The following HPCAL1 variants were observed in gnomAD, a reference collection of about 807,000 sequenced individuals.
The protein encoded by HPCAL1 is hippocalcin-like protein 1.
Under a neutral mutation model 17.1 loss-of-function variants are expected in HPCAL1, and 8 were observed. The ratio of observed to expected loss-of-function variants is 0.47; its 90% CI spans 0.27 to 0.84. The LOEUF (loss-of-function observed/expected upper bound fraction) is 0.84. HPCAL1 is among the 40% of genes least tolerant of loss of function. The probability of loss-of-function intolerance (pLI) is 0.13; values close to 1 mark genes in which losing one functional copy is unlikely to be tolerated. For synonymous variants in HPCAL1, 112 were observed against 111.4 expected, an observed-to-expected ratio of 1.01 and a Z score of -0.03; for missense variants, 165 against 271.1, an observed-to-expected ratio of 0.61 and a Z score of 2.75.
intron 1 of HPCAL1, among the ~76,000 whole-genome samples, chr2:10,322,951 C>G (rs1048658034): frequency 6.6e-6 from 1 of 152,204 alleles, no homozygotes; most frequent in East Asian, 1.9e-4. Flanking sequence ...AGATAGATCC[C>G]TGGGGGCTCT....
At chr2:10,314,022 T>G (rs568394952) in intron 1 of HPCAL1, among the ~76,000 whole-genome samples, 1 of 151,350 alleles carries the variant, frequency 6.6e-6, no homozygotes, top group African/African-American at 2.4e-5. Context: ...TCCCAGCTAC[T>G]CGGGAGGCTG....
intron 2 of HPCAL1, among the ~76,000 whole-genome samples, chr2:10,407,909 G>A (rs1670073541): frequency 6.6e-6 from 1 of 152,244 alleles, no homozygotes; most frequent in Admixed American, 6.5e-5. Context: ...GAAAAACGCT[G>A]TTAGAATTCA....
intron 1 of HPCAL1, among the ~76,000 whole-genome samples, chr2:10,317,555 G>A (rs1663397473): frequency 6.6e-6 from 1 of 151,880 alleles, no homozygotes; most frequent in Admixed American, 6.6e-5. Flanking sequence ...GTATCTGGGA[G>A]TACCGGGATG....
chr2:10,329,391 C>G (rs1234817117), intron 1 of HPCAL1, among the ~76,000 whole-genome samples: 1 of 152,324 alleles, frequency 6.6e-6, no homozygotes, highest in East Asian at 1.9e-4. Context: ...AAGTAAGGAA[C>G]CTGTCCCAGC....
intron 1 of HPCAL1, among the ~76,000 whole-genome samples, chr2:10,312,758 GTCA>G (rs925770402): frequency 2.0e-5 from 3 of 150,506 alleles, no homozygotes; most frequent in Non-Finnish European, 3.0e-5. Context: ...CACCATCACT[GTCA>G]TCATCACCAT....
At chr2:10,400,046 C>T (rs1022999937) in intron 2 of HPCAL1, among the ~76,000 whole-genome samples, 9 of 152,158 alleles carry the variant, frequency 5.9e-5, no homozygotes, top group South Asian at 2.1e-4. Flanking sequence ...GAATGAGTGT[C>T]GGTTTTGGAT....
At chr2:10,325,752 T>C (rs777561692) in intron 1 of HPCAL1, among the ~76,000 whole-genome samples, 6 of 152,218 alleles carry the variant, frequency 3.9e-5, no homozygotes, top group Non-Finnish European at 8.8e-5. Flanking sequence ...AACATCTGCC[T>C]TCCTGGCTGG....
chr2:10,399,560 C>G (rs1183995051), intron 2 of HPCAL1, among the ~76,000 whole-genome samples: 1 of 42,136 alleles, frequency 2.4e-5, no homozygotes, highest in African/African-American at 9.7e-5. Context: ...CCACCACTAC[C>G]GCCACCGCCA....
At chr2:10,360,655 C>T (rs1013372609) in intron 1 of HPCAL1, among the ~76,000 whole-genome samples, 5 of 152,274 alleles carry the variant, frequency 3.3e-5, no homozygotes, top group South Asian at 2.1e-4. Flanking sequence ...TCGGGTGATC[C>T]GCCCACCTGG....
intron 1 of HPCAL1, among the ~76,000 whole-genome samples, chr2:10,388,371 G>A (rs1182567566): frequency 6.6e-6 from 1 of 152,252 alleles, no homozygotes; most frequent in Non-Finnish European, 1.5e-5. Flanking sequence ...GAGGGTGGCA[G>A]TGACTGGGCT....
In HPCAL1 at chr2:10,419,832, C is replaced by T. The variant is rs1572865722; in HGVS notation, c.75C>T (p.His25=). The stretch of plus-strand genomic sequence containing the variant: ...GGGAGAACACGGAGTTCACCGACCA[C>T]GAGCTGCAGGAGTGGTACAAGGGCT... ...DLRENTEFTD[H]ELQEWYKGFL... The change falls in exon 3 of 5, where the codon CAC becomes CAT. Residue 25 remains histidine (H), a synonymous_variant. Transcript: ENST00000307845. This position sits in a 1 kb window ranked among gnomAD's most constrained non-coding sequence, Gnocchi z 5.0. 1.2e-6 allele frequency: 2 copies of T among 1,613,604 alleles called. No homozygotes were observed. The highest frequency in any genetic ancestry group is 1.1e-5 in the South Asian group (1 of 91,088).
chr2:10,396,243 G>A (rs185204915), intron 1 of HPCAL1, among the ~76,000 whole-genome samples: 2 of 152,360 alleles, frequency 1.3e-5, no homozygotes, highest in African/African-American at 4.8e-5. Flanking sequence ...GGCCCAGGAG[G>A]CATGCTGGGG....
chr2:10,384,486 C>T lies in HPCAL1; in HGVS notation c.-110-12349C>T, dbSNP rs1017593805. 1.3e-5 allele frequency among the ~76,000 whole-genome samples: 2 copies of T among 152,168 alleles called. No individual in the cohort carries two copies. Among genetic ancestry groups the T allele is most frequent in the Admixed American group, 1.3e-4 (2 of 15,278 alleles). ...CAAACTGCCATGCTTGCTTGGTGCA[C>T]GGTGCTGTGCTGGGCACTGGGGCAA... On this transcript the variant is annotated intron_variant, in intron 1 of 4. Coordinates refer to ENST00000307845, the MANE Select transcript of HPCAL1 (RefSeq NM_002149.4). The surrounding 1 kb of genome is among the most constrained non-coding windows in gnomAD (Gnocchi z 4.4).
At chr2:10,333,225 A>G (rs1406812024) in intron 1 of HPCAL1, among the ~76,000 whole-genome samples, 1 of 152,230 alleles carries the variant, frequency 6.6e-6, no homozygotes, top group African/African-American at 2.4e-5. Flanking sequence ...GCATTTTCAC[A>G]GGAGAGACTC....
At position 10,315,825 on chromosome 2, in the gene HPCAL1, G is replaced by A. The variant is rs2125392954; in HGVS notation, c.-111+12648G>A. 1.3e-5 allele frequency among the ~76,000 whole-genome samples: 2 copies of A among 152,222 alleles called. 1 individual carries two copies. Among genetic ancestry groups the A allele is most frequent in the South Asian group, 4.2e-4 (2 of 4,818 alleles). ...AGGTCGAGACCAGCCTGGCCAACAT[G>A]GTGAAACCCCATCTCTACTAAAAAT... On this transcript the variant is annotated intron_variant, in intron 1 of 4. Transcript: ENST00000307845.
intron 1 of HPCAL1, among the ~76,000 whole-genome samples, chr2:10,347,401 G>GC (rs1665539874): frequency 6.6e-6 from 1 of 152,140 alleles, no homozygotes; most frequent in Non-Finnish European, 1.5e-5. Flanking sequence ...TATAAAATGT[G>GC]CCCCCCAGCG....
chr2:10,335,079 G>C (rs1254539308), intron 1 of HPCAL1, among the ~76,000 whole-genome samples: 6 of 152,170 alleles, frequency 3.9e-5, no homozygotes, highest in Non-Finnish European at 8.8e-5. Flanking sequence ...GATCCTCCTT[G>C]AGTGCTGTGG....
At chr2:10,325,014 G>A (rs1429719119) in intron 1 of HPCAL1, among the ~76,000 whole-genome samples, 11 of 147,580 alleles carry the variant, frequency 7.5e-5, no homozygotes, top group Admixed American at 7.4e-4. Context: ...TGTATTTTTA[G>A]TAGAGACAGG....
intron 1 of HPCAL1, among the ~76,000 whole-genome samples, chr2:10,391,771 C>T (rs1448388785): frequency 6.6e-6 from 1 of 152,208 alleles, no homozygotes; most frequent in Non-Finnish European, 1.5e-5. Context: ...GTTTTTGTGA[C>T]AGAGTCTCGC....
Sources: allele counts gnomAD v4.1 joint callset (sites outside exome capture counted in the v4.1 genomes callset), GRCh38; gene constraint gnomAD v4.1.1; non-coding constraint Gnocchi (gnomAD v3.1); transcripts MANE v1.5; gene names NCBI Gene and HGNC (gene_info 2026-07-23, HGNC 2026-07-21).